MOB3A: variants seen among roughly 807,000 people sequenced by gnomAD.
MOB3A encodes the protein MOB kinase activator 3A, also known as MOB LAK.
A neutral mutation model predicts 17.8 loss-of-function variants in MOB3A; 17 were observed. That is an observed-to-expected ratio of 0.95 (90% CI 0.65 to 1.43). The LOEUF (loss-of-function observed/expected upper bound fraction) is 1.43. Ranked by LOEUF, MOB3A falls within the 40% of genes most tolerant of loss-of-function variation. The pLI is 0.00. For synonymous variants in MOB3A, 124 were observed against 133.2 expected (o/e 0.93, Z 0.48); for missense variants, 333 against 310.8 (o/e 1.07, Z -0.54).
chr19:2,090,536 C>T (rs1378467862), intron 1 of MOB3A, among the ~76,000 whole-genome samples: 1 of 152,096 alleles, frequency 6.6e-6, no homozygotes, highest in East Asian at 1.9e-4. Flanking sequence ...GACACTCCAC[C>T]CCAGAGAATG....
chr19:2,078,760 ATTTTG>A, intron 2 of MOB3A, 81 bp from the exon 3 acceptor site: 1 of 562,062 alleles, frequency 1.8e-6, no homozygotes, highest in Non-Finnish European at 3.1e-6. Flanking sequence ...AAGCGGCAGG[ATTTTG>A]TTTTGTTTTT....
chr19:2,091,683 C>T (rs1183902735), intron 1 of MOB3A, among the ~76,000 whole-genome samples: 1 of 151,250 alleles, frequency 6.6e-6, no homozygotes, highest in Non-Finnish European at 1.5e-5. Flanking sequence ...TGCGCCCAGG[C>T]TCTAAGACCT....
chr19:2,080,770 A>T (rs140073007), intron 2 of MOB3A, among the ~76,000 whole-genome samples: 4 of 152,238 alleles, frequency 2.6e-5, no homozygotes, highest in African/African-American at 9.6e-5. Flanking sequence ...ACAAATCACC[A>T]CAAATTTCAG....
intron 1 of MOB3A, among the ~76,000 whole-genome samples, chr19:2,095,995 C>T (rs2017685310): frequency 6.6e-6 from 1 of 152,132 alleles, no homozygotes; most frequent in East Asian, 1.9e-4. Context: ...CCACCCGCGT[C>T]GGCCTCCCAA....
chr19:2,078,972 A>G (rs1169326948), intron 2 of MOB3A, among the ~76,000 whole-genome samples: 1 of 152,116 alleles, frequency 6.6e-6, no homozygotes, highest in East Asian at 1.9e-4. Flanking sequence ...GTTGCCCAGG[A>G]TGGTCTCCAA....
At chr19:2,084,072 G>A (rs1055873691) in intron 2 of MOB3A, 3 of 456,056 alleles carry the variant, frequency 6.6e-6, no homozygotes, top group East Asian at 1.4e-4. Flanking sequence ...GTGCCTGGCT[G>A]AGGCTTATCT....
chr19:2,095,839 G>A (rs2017681368), intron 1 of MOB3A, among the ~76,000 whole-genome samples: 1 of 151,868 alleles, frequency 6.6e-6, no homozygotes, highest in Non-Finnish European at 1.5e-5. Flanking sequence ...CTGCCTCCTG[G>A]GTTCAAGTGA....
rs777044648 is a variant in MOB3A, at chr19:2,093,489, G to GC, written c.-274+2736_-274+2737insG. Among the ~76,000 whole-genome samples the GC allele has an allele frequency of 6.6e-6, 1 of 152,168 alleles. No individual in the cohort carries two copies. Among genetic ancestry groups the GC allele is most frequent in the Non-Finnish European group, 1.5e-5 (1 of 68,034 alleles). On this transcript the variant is annotated intron_variant, in intron 1 of 4. Coordinates refer to ENST00000357066, the MANE Select transcript of MOB3A (RefSeq NM_130807.3). This position sits in a 1 kb window ranked among gnomAD's most constrained non-coding sequence, Gnocchi z 4.6. ...CAGAGAAGTCTCTGGAACACACAGT[G>GC]GGTGGCTGTGGTCCAGCGTGTGCCT...
At chr19:2,086,286 C>G (rs1229977620) in intron 1 of MOB3A, among the ~76,000 whole-genome samples, 2 of 151,890 alleles carry the variant, frequency 1.3e-5, no homozygotes, top group African/African-American at 4.8e-5. Context: ...GTGATCTGCC[C>G]ACCTCGGCCT....
intron 1 of MOB3A, among the ~76,000 whole-genome samples, chr19:2,091,979 G>A (rs539289783): frequency 4.1e-5 from 6 of 144,998 alleles, no homozygotes; most frequent in South Asian, 2.2e-4. Context: ...CCTGGGCGAC[G>A]AGCAAAACTC....
In MOB3A at chr19:2,076,884, T is replaced by A. The variant is rs774625797; in HGVS notation, c.551A>T (p.Asn184Ile). 18 of 1,613,972 alleles carry A rather than the reference T, an allele frequency of 1.1e-5. No homozygotes were observed. Among genetic ancestry groups the A allele is most frequent in the Non-Finnish European group, 1.4e-5 (17 of 1,180,044 alleles). ...IAQMGSEAHV[N>I]TCYKHFYYFV... The stretch of plus-strand genomic sequence containing the variant: ...ATAGTAGAAGTGCTTGTAGCAGGTG[T>A]TCACGTGGGCCTCGGAGCCCATCTG... Residue 184 changes from asparagine to isoleucine, a missense_variant, in exon 4 of 5, where the codon AAC becomes ATC. Coordinates refer to ENST00000357066, the MANE Select transcript of MOB3A (RefSeq NM_130807.3).
chr19:2,088,651 G>T (rs1020399002), intron 1 of MOB3A, among the ~76,000 whole-genome samples: 2 of 152,004 alleles, frequency 1.3e-5, no homozygotes, highest in African/African-American at 4.8e-5. Flanking sequence ...TGTATTTTTA[G>T]TAGAGACAGG....
rs2017635862 is a variant in MOB3A, at chr19:2,093,494, G to T, written c.-274+2732C>A. On this transcript the variant is annotated intron_variant, in intron 1 of 4. Transcript: ENST00000357066. The surrounding 1 kb of genome is among the most constrained non-coding windows in gnomAD (Gnocchi z 4.6). ...AAGTCTCTGGAACACACAGTGGGTG[G>T]CTGTGGTCCAGCGTGTGCCTGGCTG... Among the ~76,000 whole-genome samples, 1 of 152,130 alleles carries T rather than the reference G, an allele frequency of 6.6e-6. No homozygotes were observed.
Position 2,076,716 on chromosome 19 carries a change from C to T in MOB3A, c.624+95G>A, listed in dbSNP as rs965345201. On this transcript the variant is annotated intron_variant, in intron 4 of 4. Coordinates refer to ENST00000357066, the MANE Select transcript of MOB3A (RefSeq NM_130807.3). ...CGGGGCCGCCAGCTGCTGGGCCGAC[C>T]GCAAGCAGTCAGGGTCCTGGCCCCG... 14 of 1,319,374 alleles carry T rather than the reference C, an allele frequency of 1.1e-5. No individual in the cohort carries two copies. The East Asian group carries it at 2.0e-4, about 19-fold the overall frequency. The allele number at this position is 1,319,374 out of a possible 1,614,324, so 81.7% of individuals were successfully genotyped here. A position where few individuals can be genotyped will look rare whatever the true frequency, so the allele number is the denominator to read the frequency against.
At chr19:2,074,777 G>A (rs1444869561) in intron 4 of MOB3A, among the ~76,000 whole-genome samples, 1 of 151,950 alleles carries the variant, frequency 6.6e-6, no homozygotes, top group Non-Finnish European at 1.5e-5. Context: ...GAGTGCAATG[G>A]CGCGATCTCA....
In MOB3A at chr19:2,078,145, T is replaced by A. The variant is rs201519607; in HGVS notation, c.416A>T (p.Asn139Ile). 6 of 1,568,098 alleles carry A rather than the reference T, an allele frequency of 3.8e-6. No homozygotes were observed. In the East Asian group the frequency reaches 6.8e-5, roughly 18 times the overall value. ...QINNEDLFPTNVGTPFPKNFL... is the reference protein window; with the variant it reads ...QINNEDLFPTIVGTPFPKNFL... Reference sequence around the variant, plus strand: ...CCCTGCCAGCTCTGACTCACCAACGTTGGTGGGGAAGAGGTCCTCGTTGTT... The same window carrying A: ...CCCTGCCAGCTCTGACTCACCAACGATGGTGGGGAAGAGGTCCTCGTTGTT... The change falls in exon 3 of 5, where the codon AAC becomes ATC. Residue 139 changes from asparagine to isoleucine, a missense_variant. By Grantham distance (149) the Asn-to-Ile change is moderately radical (BLOSUM62 -3). Transcript: ENST00000357066.
chr19:2,078,670 T>C lies in MOB3A; in HGVS notation c.-110A>G. On this transcript the variant is annotated 5_prime_UTR_variant, in exon 3 of 5. Coordinates refer to ENST00000357066, the MANE Select transcript of MOB3A (RefSeq NM_130807.3). ...AAACACTCACCAAGCCCCACAGCTC[T>C]CCCGCGGACCTGAAATACACAGGGG... is the stretch of plus-strand genomic sequence containing the variant. The C allele has an allele frequency of 9.1e-7, 1 of 1,104,942 alleles. No individual in the cohort carries two copies. Among genetic ancestry groups the C allele is most frequent in the Non-Finnish European group, 1.3e-6 (1 of 783,462 alleles). The allele number at this position is 1,104,942 out of a possible 1,614,324, so 68.4% of individuals were successfully genotyped here.
At position 2,078,520 on chromosome 19, in the gene MOB3A, T is replaced by C. The variant is rs369840893; in HGVS notation, c.41A>G (p.Lys14Arg). 9 of 1,593,422 alleles carry C rather than the reference T, an allele frequency of 5.6e-6. No individual in the cohort carries two copies. In the African/African-American group the frequency reaches 1.2e-4, roughly 21 times the overall value. Reference protein sequence around the residue: ...PFLKQVFNKDKTFRPKRKFEP... With the variant: ...PFLKQVFNKDRTFRPKRKFEP... ...AAACTTGCGCTTGGGGCGGAATGTC[T>C]TGTCCTTGTTGAAGACTTGCTTCAG... The change falls in exon 3 of 5, where the codon AAG (lysine) becomes AGG (arginine). Residue 14 changes from lysine to arginine, a missense_variant. Coordinates refer to ENST00000357066, the MANE Select transcript of MOB3A (RefSeq NM_130807.3).
chr19:2,076,708 G>T, intron 4 of MOB3A, 103 bp downstream of exon 4: 1 of 1,230,018 alleles, frequency 8.1e-7, no homozygotes. Flanking sequence ...GCCAGCTGCT[G>T]GGCCGACCGC....
Sources: allele counts gnomAD v4.1 joint callset (sites outside exome capture counted in the v4.1 genomes callset), GRCh38; gene constraint gnomAD v4.1.1; non-coding constraint Gnocchi (gnomAD v3.1); transcripts MANE v1.5; gene names NCBI Gene and HGNC (gene_info 2026-07-23, HGNC 2026-07-21).